ZNF141: variants seen among roughly 807,000 people sequenced by gnomAD.
The protein encoded by ZNF141 is zinc finger protein 141 (clone pHZ-44).
Under a neutral mutation model 11.3 loss-of-function variants are expected in ZNF141, and 7 were observed. The ratio of observed to expected loss-of-function variants is 0.62; its 90% CI spans 0.35 to 1.16. The LOEUF (loss-of-function observed/expected upper bound fraction) is 1.16. Among genes scored for constraint, ZNF141 ranks in the 50% most tolerant of loss-of-function variants. The pLI, the probability that ZNF141 is intolerant of heterozygous loss-of-function variation, is 0.02. For synonymous variants in ZNF141, 183 were observed against 190.7 expected (o/e 0.96, Z 0.33); for missense variants, 535 against 554.0 (o/e 0.97, Z 0.34).
intron 3 of ZNF141, among the ~76,000 whole-genome samples, chr4:347,339 G>GTT (rs572417264): frequency 0.041 from 4,784 of 116,194 alleles, 158 homozygotes; most frequent in African/African-American, 0.072. Context: ...GCCCGGCCAA[G>GTT]TTTTTTTTTT....
intron 1 of ZNF141, chr4:338,578 C>T (rs150023416): frequency 0.011 from 1,651 of 155,084 alleles, 9 homozygotes; most frequent in African/African-American, 0.018. Context: ...TTTTAGAATA[C>T]GCTAGTGTGG....
At chr4:361,326 A>T (rs531896900) in intron 3 of ZNF141, among the ~76,000 whole-genome samples, 1 of 137,344 alleles carries the variant, frequency 7.3e-6, no homozygotes, top group South Asian at 2.3e-4. Context: ...CTTTTTGACT[A>T]TTTTTTTTAA....
At chr4:369,756 A>ATTT (rs1560196775) in intron 3 of ZNF141, among the ~76,000 whole-genome samples, 10 of 35,346 alleles carry the variant, frequency 2.8e-4, no homozygotes, top group African/African-American at 1.6e-3. Context: ...ATATATATAT[A>ATTT]TATATATATT....
chr4:356,357 G>A (rs1553851226), intron 3 of ZNF141, among the ~76,000 whole-genome samples: 1 of 151,534 alleles, frequency 6.6e-6, no homozygotes, highest in Non-Finnish European at 1.5e-5. Context: ...GTCTTGTTCT[G>A]TCACCCAGGC....
rs1553855164 is a variant in ZNF141, at chr4:379,608, T to G, written c.*5746T>G. Reference sequence around the variant, plus strand: ...CAGGCTGGTCTCAAACTCCTGACCCTGTGATCCTGCCACCTTGGCCTCCCA... The same window carrying G: ...CAGGCTGGTCTCAAACTCCTGACCCGGTGATCCTGCCACCTTGGCCTCCCA... On this transcript the variant is annotated 3_prime_UTR_variant, in exon 4 of 4. Transcript: ENST00000240499. Among the ~76,000 whole-genome samples, 1 of 152,044 alleles carries G rather than the reference T, an allele frequency of 6.6e-6. No homozygotes were observed. Among genetic ancestry groups the G allele is most frequent in the African/African-American group, 2.4e-5 (1 of 41,402 alleles).
intron 3 of ZNF141, among the ~76,000 whole-genome samples, chr4:355,341 G>C (rs1409213048): frequency 6.6e-6 from 1 of 151,982 alleles, no homozygotes; most frequent in Non-Finnish European, 1.5e-5. Flanking sequence ...TAGTAGCTGG[G>C]ATTACAGGTG....
rs1001102423 is a variant in ZNF141, at chr4:381,306, C to G, written c.*7444C>G. On this transcript the variant is annotated 3_prime_UTR_variant, in exon 4 of 4. Transcript: ENST00000240499. ...AAAACTTTAAATTTATCTCTAGGAACCTCAGCCGAGCAGTCAGAACTCACA... is the reference window on the plus strand; with the variant it reads ...AAAACTTTAAATTTATCTCTAGGAAGCTCAGCCGAGCAGTCAGAACTCACA... Among the ~76,000 whole-genome samples, 4 of 151,716 alleles carry G rather than the reference C, an allele frequency of 2.6e-5. No homozygotes were observed. The highest frequency in any genetic ancestry group is 9.7e-5 in the African/African-American group (4 of 41,246).
intron 3 of ZNF141, among the ~76,000 whole-genome samples, chr4:365,600 C>G (rs1223781330): frequency 1.3e-5 from 2 of 152,196 alleles, no homozygotes; most frequent in Admixed American, 1.3e-4. Context: ...ATTATCTCTT[C>G]ACTTTGTTAA....
chr4:364,206 A>G (rs1405004313), intron 3 of ZNF141, among the ~76,000 whole-genome samples: 5 of 152,206 alleles, frequency 3.3e-5, no homozygotes, highest in African/African-American at 1.2e-4. Context: ...CTGGCCTCAT[A>G]AAATGAGTTA....
At chr4:355,750 A>G (rs1201957676) in intron 3 of ZNF141, among the ~76,000 whole-genome samples, 1 of 152,166 alleles carries the variant, frequency 6.6e-6, no homozygotes, top group Non-Finnish European at 1.5e-5. Flanking sequence ...TTGGTAATTT[A>G]TAAAGAATAG....
In ZNF141 at chr4:384,532, A is replaced by T. The variant is rs1712825541; in HGVS notation, c.*10670A>T. On this transcript the variant is annotated 3_prime_UTR_variant, in exon 4 of 4. Transcript: ENST00000240499. ...GGCCCAGGTGTAATGAATCAACCTA[A>T]ATGTCATTAACTTGACCCAGCTCCT... is the stretch of plus-strand genomic sequence containing the variant. 1 of 152,170 alleles carries T rather than the reference A, an allele frequency of 6.6e-6. No individual in the cohort carries two copies. Among genetic ancestry groups the T allele is most frequent in the African/African-American group, 2.4e-5 (1 of 41,440 alleles). The allele number at this position is 152,170 out of a possible 1,614,324, so 9.4% of individuals were successfully genotyped here. A position where few individuals can be genotyped will look rare whatever the true frequency, so the allele number is the denominator to read the frequency against.
chr4:347,986 A>G (rs561942240), intron 3 of ZNF141, among the ~76,000 whole-genome samples: 1 of 151,954 alleles, frequency 6.6e-6, no homozygotes, highest in South Asian at 2.1e-4. Context: ...CTGGGATTAC[A>G]GGCACGTGCC....
rs1163648814 is a variant in ZNF141 at position 376,483 on chromosome 4, C to T, written c.*2621C>T. 1.3e-5 allele frequency among the ~76,000 whole-genome samples: 2 copies of T among 152,048 alleles called. No homozygotes were observed. The highest frequency in any genetic ancestry group is 1.3e-4 in the Admixed American group (2 of 15,276). On this transcript the variant is annotated 3_prime_UTR_variant, in exon 4 of 4. Transcript: ENST00000240499. ...ATCCAATTATACACTTTAATTATTTCTAAATGTACAATTATGATTGTAGTA... is the reference window on the plus strand; with the variant it reads ...ATCCAATTATACACTTTAATTATTTTTAAATGTACAATTATGATTGTAGTA...
chr4:342,143 G>T lies in ZNF141; in HGVS notation c.4-1639G>T, dbSNP rs77188978. Among the ~76,000 whole-genome samples the T allele has an allele frequency of 3.5e-3, 533 of 152,210 alleles. 6 individuals are homozygous for T. Among genetic ancestry groups the T allele is most frequent in the African/African-American group, 0.012 (506 of 41,532 alleles). ...CCTGCCTTTAAATCTGGGAAGTATG[G>T]GACACCTAGTGTCTACCTCCCAGGA... On this transcript the variant is annotated intron_variant, in intron 1 of 3. Transcript: ENST00000240499.
rs545925638 is a variant in ZNF141, at chr4:339,107, C to G, written c.3+1121C>G. On this transcript the variant is annotated intron_variant, in intron 1 of 3. Transcript: ENST00000240499. ...GCCCGCCCATTGGGCATTCGCACGG[C>G]CACACTTGTCCCAGGACAGGGTTCT... Among the ~76,000 whole-genome samples, 772 of 152,366 alleles carry G rather than the reference C, an allele frequency of 5.1e-3. 5 individuals carry two copies. Among genetic ancestry groups the G allele is most frequent in the South Asian group, 0.02 (98 of 4,826 alleles).
chr4:342,769 T>C, intron 1 of ZNF141: 1 of 1,503,586 alleles, frequency 6.7e-7, no homozygotes, highest in Non-Finnish European at 9.2e-7. Flanking sequence ...TTTTTGATTG[T>C]TGTTGTCCCA....
chr4:342,989 G>A (rs937148002), intron 1 of ZNF141: 11 of 1,286,112 alleles, frequency 8.6e-6, no homozygotes, highest in Admixed American at 7.2e-5. Flanking sequence ...AGTTCCTTGC[G>A]TGGTTAAAAA....
intron 1 of ZNF141, chr4:338,233 G>T: frequency 2.1e-6 from 1 of 467,474 alleles, no homozygotes; most frequent in Non-Finnish European, 3.8e-6. Context: ...GTGGGGTGAG[G>T]AGTAGCTTAT....
rs570630954 is a variant in ZNF141 at position 378,427 on chromosome 4, G to A, written c.*4565G>A. Among the ~76,000 whole-genome samples the A allele has an allele frequency of 6.6e-6, 1 of 151,818 alleles. No individual in the cohort carries two copies. Among genetic ancestry groups the A allele is most frequent in the East Asian group, 2.0e-4 (1 of 5,108 alleles). On this transcript the variant is annotated 3_prime_UTR_variant, in exon 4 of 4. Transcript: ENST00000240499. ...TGGGACTACAATCGCCTGCCACCACGCCCAGTTAATTTTTATATTTTTAGT... is the reference window on the plus strand; with the variant it reads ...TGGGACTACAATCGCCTGCCACCACACCCAGTTAATTTTTATATTTTTAGT...
Sources: gnomAD v4.1 joint callset for allele counts (sites outside exome capture counted in the v4.1 genomes callset) on GRCh38, gnomAD v4.1.1 for gene constraint, MANE v1.5 for transcripts, NCBI Gene and HGNC (gene_info 2026-07-23, HGNC 2026-07-21) for gene names.